Variants in MOSMO observed in about 807,000 individuals in gnomAD.
The protein encoded by MOSMO is modulator of smoothened.
In MOSMO, 5 loss-of-function variants were observed where a neutral mutation model predicts 18.4. The ratio of observed to expected loss-of-function variants is 0.27; its 90% CI spans 0.14 to 0.57. MOSMO has a LOEUF of 0.57. Ranked by LOEUF, MOSMO falls within the 20% of genes least tolerant of loss-of-function variation. The pLI is 0.92. For missense variants in MOSMO, 138 were observed against 211.8 expected, an observed-to-expected ratio of 0.65 and a Z score of 2.16; for synonymous variants, 82 against 82.3, an observed-to-expected ratio of 1.00 and a Z score of 0.02.
At chr16:22,059,164 C>T (rs918552111) in intron 1 of MOSMO, among the ~76,000 whole-genome samples, 7 of 151,980 alleles carry the variant, frequency 4.6e-5, no homozygotes, top group Non-Finnish European at 8.8e-5. Flanking sequence ...ATTGATCATC[C>T]AGAGGTAATA....
intron 1 of MOSMO, among the ~76,000 whole-genome samples, chr16:22,011,672 GT>G (rs202073259): frequency 6.6e-6 from 1 of 151,674 alleles, no homozygotes. Flanking sequence ...GGAAGTGATT[GT>G]TTTTTTTCTA....
At chr16:22,066,986 A>G (rs1230590685) in intron 1 of MOSMO, among the ~76,000 whole-genome samples, 1 of 152,228 alleles carries the variant, frequency 6.6e-6, no homozygotes, top group Non-Finnish European at 1.5e-5. Context: ...TATGTTCCCC[A>G]AAATAACAAA....
chr16:22,010,954 A>G (rs1216640185), intron 1 of MOSMO, among the ~76,000 whole-genome samples: 1 of 151,924 alleles, frequency 6.6e-6, no homozygotes, highest in Admixed American at 6.6e-5. Flanking sequence ...AAAAAGGGCA[A>G]GCTCCTCTTG....
rs111371939 is a variant in MOSMO, at chr16:22,056,554, A to T, written c.107-18933A>T. On this transcript the variant is annotated intron_variant, in intron 1 of 2. Transcript: ENST00000542527. ...CCCGGTTAATTTTATATATATATAT[A>T]TTTTTTTTTGGTAGAGACGGGGTTT... Among the ~76,000 whole-genome samples, 1,095 of 147,580 alleles carry T rather than the reference A, an allele frequency of 7.4e-3. 7 individuals are homozygous for T. The highest frequency in any genetic ancestry group is 0.013 in the African/African-American group (508 of 40,222).
chr16:22,015,031 A>G (rs558062533), intron 1 of MOSMO, among the ~76,000 whole-genome samples: 1 of 152,246 alleles, frequency 6.6e-6, no homozygotes, highest in East Asian at 1.9e-4. Context: ...TAGTATCTTC[A>G]TAAAGTTGTG....
chr16:22,090,654 C>T (rs905937334), downstream of MOSMO, among the ~76,000 whole-genome samples: 4 of 152,180 alleles, frequency 2.6e-5, no homozygotes, highest in Non-Finnish European at 2.9e-5. Flanking sequence ...GATGGGACCA[C>T]GCTAGAGCTC....
rs1901117599 is a variant in MOSMO, at chr16:22,083,428, T to A, written c.*2548T>A. On this transcript the variant is annotated 3_prime_UTR_variant, in exon 3 of 3. Transcript: ENST00000542527. ...TTAAACCATCCCATCAAGTAGTATGTGAAGTCAAGTCTTCGTACTCTTGCA... is the reference window on the plus strand; with the variant it reads ...TTAAACCATCCCATCAAGTAGTATGAGAAGTCAAGTCTTCGTACTCTTGCA... 3.7e-6 allele frequency: 1 copy of A among 268,806 alleles called. No homozygotes were observed. Among genetic ancestry groups the A allele is most frequent in the African/African-American group, 2.4e-5 (1 of 42,524 alleles). The allele number at this position is 268,806 out of a possible 1,614,324, so 16.7% of individuals were successfully genotyped here.
intron 1 of MOSMO, among the ~76,000 whole-genome samples, chr16:22,054,061 C>A (rs1189246471): frequency 1.3e-5 from 2 of 151,670 alleles, no homozygotes; most frequent in Non-Finnish European, 2.9e-5. Flanking sequence ...GCAGGTTTTG[C>A]CAAACCATAT....
intron 1 of MOSMO, among the ~76,000 whole-genome samples, chr16:22,019,962 T>A (rs961260262): frequency 6.6e-6 from 1 of 151,946 alleles, no homozygotes; most frequent in Non-Finnish European, 1.5e-5. Flanking sequence ...GCCTGTAATC[T>A]CAGCACTTTG....
At chr16:22,031,108 T>C (rs1377844211) in intron 1 of MOSMO, among the ~76,000 whole-genome samples, 1 of 152,046 alleles carries the variant, frequency 6.6e-6, no homozygotes, top group East Asian at 1.9e-4. Flanking sequence ...AACGACTACA[T>C]AGAGGAATGA....
At chr16:22,090,009 C>G (rs570631133), downstream of MOSMO, 5 of 152,010 alleles carry the variant, frequency 3.3e-5, no homozygotes, top group South Asian at 6.2e-4. Flanking sequence ...TTTGGAAAAT[C>G]GTTCCTTTCC....
chr16:22,075,887 T>G, intron 2 of MOSMO, 188 bp downstream of exon 2: 1 of 538,086 alleles, frequency 1.9e-6, no homozygotes, highest in Non-Finnish European at 3.4e-6. Context: ...GACCAGGACA[T>G]CCACAACTTT....
chr16:22,087,544 A>C (rs1362539355), downstream of MOSMO: 2 of 152,320 alleles, frequency 1.3e-5, no homozygotes, highest in African/African-American at 4.8e-5. Context: ...ACTCTTTTCC[A>C]TTCCTTTGTT....
chr16:22,011,469 G>A (rs1899526671), intron 1 of MOSMO, among the ~76,000 whole-genome samples: 1 of 152,086 alleles, frequency 6.6e-6, no homozygotes, highest in Non-Finnish European at 1.5e-5. Flanking sequence ...GAGTGAAAAT[G>A]AATAAAAACT....
chr16:22,042,860 C>T (rs376004604), intron 1 of MOSMO, among the ~76,000 whole-genome samples: 10 of 152,156 alleles, frequency 6.6e-5, no homozygotes, highest in Admixed American at 2.0e-4. Flanking sequence ...AGATAGATAA[C>T]GGAATCTCCC....
downstream of MOSMO, chr16:22,085,156 C>T (rs1901147635): frequency 6.6e-6 from 1 of 152,210 alleles, no homozygotes; most frequent in Non-Finnish European, 1.5e-5. Context: ...ATAGCTCTCT[C>T]TGGGGGTGTC....
intron 1 of MOSMO, among the ~76,000 whole-genome samples, chr16:22,058,254 C>A (rs752609787): frequency 3.3e-5 from 5 of 151,826 alleles, no homozygotes; most frequent in Non-Finnish European, 5.9e-5. Context: ...GGTGAAACCC[C>A]ATCTCTACTA....
At chr16:22,080,590 C>G in intron 2 of MOSMO, 106 bp from the exon 3 acceptor site, 7 of 562,426 alleles carry the variant, frequency 1.2e-5, no homozygotes, top group Non-Finnish European at 1.7e-5. Context: ...CATGTTTTAA[C>G]AGGTTTGGCC....
chr16:22,076,488 C>A (rs1010131635), intron 2 of MOSMO: 2 of 152,158 alleles, frequency 1.3e-5, no homozygotes, highest in Admixed American at 1.3e-4. Context: ...ATACATAGGA[C>A]AGCCCCCCAC....
Sources: allele counts gnomAD v4.1 joint callset (sites outside exome capture counted in the v4.1 genomes callset), GRCh38; gene constraint gnomAD v4.1.1; transcripts MANE v1.5; gene names NCBI Gene and HGNC (gene_info 2026-07-23, HGNC 2026-07-21).